CAMK2B: variants seen among roughly 807,000 people sequenced by gnomAD.
The protein encoded by CAMK2B is calcium/calmodulin-dependent protein kinase type II subunit beta.
A neutral mutation model predicts 93.7 loss-of-function variants in CAMK2B; 27 were observed. The ratio of observed to expected loss-of-function variants is 0.29; its 90% CI spans 0.21 to 0.40. CAMK2B has a LOEUF of 0.40. Among genes scored for constraint, CAMK2B ranks in the 10% least tolerant of loss-of-function variants. CAMK2B has a pLI of 1.00. For missense variants in CAMK2B, 568 were observed against 895.8 expected, an observed-to-expected ratio of 0.63 and a Z score of 4.67; for synonymous variants, 374 against 358.8, an observed-to-expected ratio of 1.04 and a Z score of -0.48.
In CAMK2B at chr7:44,249,673, T is replaced by A. The variant is rs530525529; in HGVS notation, c.342-2481A>T. 6.6e-5 allele frequency among the ~76,000 whole-genome samples: 10 copies of A among 152,260 alleles called. No homozygotes were observed. The South Asian group carries it at 1.9e-3, about 28-fold the overall frequency. ...TGCAGAGCTTGTGGTCACCAGGAAGTGCCACCTCCCGGGACACCAACAGGG... is the reference window on the plus strand; with the variant it reads ...TGCAGAGCTTGTGGTCACCAGGAAGAGCCACCTCCCGGGACACCAACAGGG... On this transcript the variant is annotated intron_variant, in intron 5 of 23. Transcript: ENST00000395749.
At chr7:44,318,184 G>A (rs1280282703) in intron 1 of CAMK2B, among the ~76,000 whole-genome samples, 1 of 152,212 alleles carries the variant, frequency 6.6e-6, no homozygotes, top group African/African-American at 2.4e-5. Context: ...AAGAAGTCAT[G>A]TGAACAACCT....
chr7:44,252,629 C>T (rs2096791071), intron 5 of CAMK2B, among the ~76,000 whole-genome samples: 1 of 152,058 alleles, frequency 6.6e-6, no homozygotes, highest in African/African-American at 2.4e-5. Flanking sequence ...TCTAGGAGGC[C>T]ACATGCCCCC....
At chr7:44,235,892 G>T (rs547951449) in intron 13 of CAMK2B, among the ~76,000 whole-genome samples, 94 of 152,348 alleles carry the variant, frequency 6.2e-4, no homozygotes, top group African/African-American at 2.2e-3. Context: ...CCTGCCTGGG[G>T]ATCCCGTGCT....
chr7:44,233,677 C>G (rs886934361), intron 15 of CAMK2B, among the ~76,000 whole-genome samples: 1 of 152,144 alleles, frequency 6.6e-6, no homozygotes, highest in Admixed American at 6.5e-5. Flanking sequence ...GGGAGTACTG[C>G]TATAGGGTTC....
rs1454449702 is a variant in CAMK2B at position 44,220,130 on chromosome 7, G to A, written c.1933C>T (p.Arg645Cys). 1.1e-5 allele frequency: 17 copies of A among 1,611,964 alleles called. No homozygotes were observed. Among genetic ancestry groups the A allele is most frequent in the Non-Finnish European group, 1.3e-5 (15 of 1,179,808 alleles). The part of the protein sequence containing the change: ...SQSEETRVWH[R>C]RDGKWQNVHF... ...ACGTTCTGCCACTTGCCGTCGCGGC[G>A]GTGCCACACGCGGGTCTCCTCAGAC... The change falls in exon 23 of 24, where the codon CGC becomes TGC. Residue 645 changes from arginine to cysteine, a missense_variant. Coordinates refer to ENST00000395749, the MANE Select transcript of CAMK2B (RefSeq NM_001220.5).
chr7:44,221,466 G>A (rs536605945), intron 20 of CAMK2B, among the ~76,000 whole-genome samples: 6 of 151,198 alleles, frequency 4.0e-5, no homozygotes, highest in Admixed American at 6.5e-5. Flanking sequence ...CCCGGAGGCC[G>A]GGGAGGAGGA....
In CAMK2B at chr7:44,220,065, C is replaced by T. The variant is rs915523255; in HGVS notation, c.1998G>A (p.Gln666=). 6.3e-6 allele frequency: 10 copies of T among 1,582,134 alleles called. No individual in the cohort carries two copies. The highest frequency in any genetic ancestry group is 1.3e-5 in the African/African-American group (1 of 74,310). ...ACTTAGCACAGAACACTCACCTTCA[C>T]TGCAGCGGGGCCACAGGCGCGCCCG... The part of the protein sequence containing the change: ...HCSGAPVAPL[Q] The change falls in exon 23 of 24, where the codon CAG becomes CAA. Residue 666 remains glutamine (Q), a synonymous_variant. Coordinates refer to ENST00000395749, the MANE Select transcript of CAMK2B (RefSeq NM_001220.5).
intron 4 of CAMK2B, among the ~76,000 whole-genome samples, chr7:44,257,884 G>A (rs1465103813): frequency 3.9e-5 from 6 of 152,226 alleles, no homozygotes; most frequent in South Asian, 2.1e-4. Context: ...CCACGCAGGC[G>A]TGTCCTGTCT....
chr7:44,223,595 C>A (rs1239268758), intron 20 of CAMK2B, among the ~76,000 whole-genome samples: 1 of 151,984 alleles, frequency 6.6e-6, no homozygotes, highest in Non-Finnish European at 1.5e-5. Context: ...TGAGGCCCGC[C>A]CCCGCCCCAG....
chr7:44,261,988 G>A (rs565615968), intron 3 of CAMK2B, among the ~76,000 whole-genome samples: 1 of 152,346 alleles, frequency 6.6e-6, no homozygotes, highest in South Asian at 2.1e-4. Context: ...CCCGGGCCCT[G>A]GAGTTGGGGC....
At chr7:44,234,737 A>G in intron 13 of CAMK2B, 61 bp from the exon 14 acceptor site, 1 of 1,558,884 alleles carries the variant, frequency 6.4e-7, no homozygotes, top group Non-Finnish European at 8.8e-7. Flanking sequence ...CTGCAGCGCA[A>G]CCCCACCCCT....
rs1785201311 is a variant in CAMK2B at position 44,286,601 on chromosome 7, A to G, written c.66-2376T>C. Among the ~76,000 whole-genome samples, 1 of 152,200 alleles carries G rather than the reference A, an allele frequency of 6.6e-6. No individual in the cohort carries two copies. Among genetic ancestry groups the G allele is most frequent in the African/African-American group, 2.4e-5 (1 of 41,452 alleles). ...CCTCAGCACACGACATCCATGCACC[A>G]TATCACCAAGAGCCTGACCGCAGGT... On this transcript the variant is annotated intron_variant, in intron 1 of 23. Transcript: ENST00000395749. This position sits in a 1 kb window ranked among gnomAD's most constrained non-coding sequence, Gnocchi z 4.0.
intron 1 of CAMK2B, among the ~76,000 whole-genome samples, chr7:44,310,290 G>T (rs578065227): frequency 6.6e-6 from 1 of 152,236 alleles, no homozygotes; most frequent in Non-Finnish European, 1.5e-5. Context: ...GCATGTGGGA[G>T]AGATGAGCTT....
At chr7:44,295,590 G>A (rs751385989) in intron 1 of CAMK2B, among the ~76,000 whole-genome samples, 20 of 152,202 alleles carry the variant, frequency 1.3e-4, no homozygotes, top group Non-Finnish European at 8.8e-5. Context: ...CCTTAGCAGC[G>A]TGCACCCACA....
At chr7:44,229,633 A>T in intron 17 of CAMK2B, 132 bp from the exon 18 acceptor site, 269 of 180,560 alleles carry the variant, frequency 1.5e-3, no homozygotes, top group Middle Eastern at 2.7e-3. Context: ...CCTGGGGTGG[A>T]GGTGGGGTGG....
intron 1 of CAMK2B, among the ~76,000 whole-genome samples, chr7:44,289,241 C>T (rs894388877): frequency 1.3e-5 from 2 of 152,342 alleles, no homozygotes; most frequent in Non-Finnish European, 1.5e-5. Context: ...CTGCCCCACT[C>T]TCCACTAAGT....
chr7:44,261,363 G>A (rs1236086655), intron 3 of CAMK2B, among the ~76,000 whole-genome samples: 1 of 152,248 alleles, frequency 6.6e-6, no homozygotes, highest in South Asian at 2.1e-4. Context: ...GATGCCCCCC[G>A]CAGAACCCCC....
chr7:44,225,958 C>A lies in CAMK2B; in HGVS notation c.1597+558G>T, dbSNP rs911538053. The A allele has an allele frequency of 1.6e-6, 2 of 1,247,638 alleles. No homozygotes were observed. 77.3% of individuals were successfully genotyped at this position (1,247,638 alleles called of 1,614,324 possible). A position where few individuals can be genotyped will look rare whatever the true frequency, so the allele number is the denominator to read the frequency against. Reference sequence around the variant, plus strand: ...GTGGCCCAGCCTGGCTCCTCCCTGGCCGGGGAGGCTGCCCAGCCTGTGCTT... The same window carrying A: ...GTGGCCCAGCCTGGCTCCTCCCTGGACGGGGAGGCTGCCCAGCCTGTGCTT... On this transcript the variant is annotated intron_variant, in intron 20 of 23. Transcript: ENST00000395749. The surrounding 1 kb of genome is among the most constrained non-coding windows in gnomAD (Gnocchi z 5.0).
intron 2 of CAMK2B, among the ~76,000 whole-genome samples, chr7:44,280,141 C>T (rs368693851): frequency 6.6e-5 from 10 of 152,196 alleles, no homozygotes; most frequent in Non-Finnish European, 1.3e-4. Flanking sequence ...AATTGAGGAA[C>T]GAGACAGAAT....
Sources: allele counts gnomAD v4.1 joint callset (sites outside exome capture counted in the v4.1 genomes callset), GRCh38; gene constraint gnomAD v4.1.1; non-coding constraint Gnocchi (gnomAD v3.1); transcripts MANE v1.5; gene names NCBI Gene and HGNC (gene_info 2026-07-23, HGNC 2026-07-21).